Variants in ERMARD observed in about 807,000 individuals in gnomAD.
ERMARD encodes the protein ER membrane associated RNA degradation, also known as endoplasmic reticulum membrane-associated RNA degradation protein.
A neutral mutation model predicts 83.9 loss-of-function variants in ERMARD; 71 were observed. That is an observed-to-expected ratio of 0.85 (90% CI 0.70 to 1.03). ERMARD has a LOEUF of 1.03. Among genes scored for constraint, ERMARD ranks in the 50% least tolerant of loss-of-function variants. The probability of loss-of-function intolerance (pLI) is 0.00; values close to 1 mark genes in which losing one functional copy is unlikely to be tolerated. For missense variants in ERMARD, 838 were observed against 810.9 expected (o/e 1.03, Z -0.41); for synonymous variants, 284 against 298.6 (o/e 0.95, Z 0.50).
chr6:169,757,227 A>C (rs2128342781), intron 5 of ERMARD, among the ~76,000 whole-genome samples: 1 of 152,270 alleles, frequency 6.6e-6, no homozygotes, highest in South Asian at 2.1e-4. Context: ...ACATATGCTG[A>C]GCTTTTGTTC....
chr6:169,780,533 A>T (rs6459665), intron 17 of ERMARD, among the ~76,000 whole-genome samples: 65,972 of 152,066 alleles, frequency 0.43, 15,161 homozygotes, highest in African/African-American at 0.6. Flanking sequence ...TTGAGAAATA[A>T]CTTAAGTAAA....
intron 5 of ERMARD, among the ~76,000 whole-genome samples, chr6:169,758,604 A>G (rs1278636303): frequency 1.3e-5 from 2 of 152,240 alleles, no homozygotes; most frequent in East Asian, 3.8e-4. Context: ...GATATTATGC[A>G]CATTTGAAGC....
At chr6:169,756,314 T>C in intron 3 of ERMARD, 24 bp from the exon 4 acceptor site, 1 of 1,453,086 alleles carries the variant, frequency 6.9e-7, no homozygotes, top group Non-Finnish European at 9.6e-7. Flanking sequence ...GTGTACATCC[T>C]AATATGTGTT....
chr6:169,764,005 C>T (rs1161417085), intron 9 of ERMARD, among the ~76,000 whole-genome samples: 2 of 152,132 alleles, frequency 1.3e-5, no homozygotes, highest in African/African-American at 4.8e-5. Context: ...CAGATTTGTC[C>T]TCTGACGCTC....
chr6:169,759,202 A>T, intron 6 of ERMARD, 137 bp downstream of exon 6: 1 of 755,036 alleles, frequency 1.3e-6, no homozygotes, highest in Non-Finnish European at 2.2e-6. Context: ...GCTAAAATTG[A>T]ATATTACTAG....
chr6:169,751,760 C>T (rs1790131566), intron 1 of ERMARD, 97 bp downstream of exon 1: 4 of 1,428,328 alleles, frequency 2.8e-6, no homozygotes, highest in East Asian at 5.5e-5. Context: ...CGAGCGAGCA[C>T]GCGCCTGCGG....
At chr6:169,755,483 AC>A in intron 3 of ERMARD, 61 bp downstream of exon 3, 1 of 1,582,560 alleles carries the variant, frequency 6.3e-7, no homozygotes, top group Non-Finnish European at 8.6e-7. Context: ...TAGAGGACGT[AC>A]TATTTGCCAA....
chr6:169,769,055 G>C (rs1225355733), intron 11 of ERMARD, among the ~76,000 whole-genome samples: 1 of 152,188 alleles, frequency 6.6e-6, no homozygotes, highest in Non-Finnish European at 1.5e-5. Flanking sequence ...TTGAGTCTCT[G>C]TGATGCTTCT....
intron 10 of ERMARD, chr6:169,766,875 C>T (rs1379392325): frequency 2.1e-6 from 1 of 468,200 alleles, no homozygotes; most frequent in East Asian, 3.5e-5. Flanking sequence ...CCAAAGCTAT[C>T]CAAAGCTCAA....
intron 2 of ERMARD, among the ~76,000 whole-genome samples, chr6:169,754,311 G>C (rs1790522029): frequency 6.6e-6 from 1 of 151,000 alleles, no homozygotes; most frequent in Non-Finnish European, 1.5e-5. Context: ...TAGATCTCAG[G>C]GCCTTGAGAT....
chr6:169,759,319 G>C (rs1242563097), intron 6 of ERMARD, among the ~76,000 whole-genome samples: 1 of 152,158 alleles, frequency 6.6e-6, no homozygotes, highest in Non-Finnish European at 1.5e-5. Context: ...TCCTGGGTGG[G>C]TGGGAGACCC....
intron 12 of ERMARD, chr6:169,770,661 C>G (rs1306466743): frequency 1.3e-5 from 2 of 151,854 alleles, no homozygotes; most frequent in African/African-American, 2.4e-5. Flanking sequence ...GCTCTGTCAC[C>G]CAGGCTGGAG....
chr6:169,756,977 G>A (rs1226204392), intron 5 of ERMARD, among the ~76,000 whole-genome samples, 169 bp downstream of exon 5: 4 of 152,112 alleles, frequency 2.6e-5, no homozygotes, highest in Admixed American at 6.6e-5. Flanking sequence ...CTAACAGGGC[G>A]GCAGCAAGGG....
chr6:169,760,655 G>GTATTA lies in ERMARD; in HGVS notation c.756_757insTATTA (p.Val253TyrfsTer2). ...GTTATTTTACAGATGTTACTTATGA[G>GTATTA]GTGCTTTCAGTATTAGAAGAAGTGA... On this transcript the variant is annotated frameshift_variant, in exon 8 of 18. Transcript: ENST00000366773. LOFTEE classifies it high-confidence loss of function. The GTATTA allele has an allele frequency of 6.2e-7, 1 of 1,602,414 alleles. No homozygotes were observed. Among genetic ancestry groups the GTATTA allele is most frequent in the Non-Finnish European group, 8.5e-7 (1 of 1,169,924 alleles).
intron 16 of ERMARD, among the ~76,000 whole-genome samples, chr6:169,778,625 C>G (rs192610950): frequency 2.0e-4 from 31 of 152,294 alleles, no homozygotes; most frequent in African/African-American, 7.5e-4. Context: ...AGGTGCTGCT[C>G]AATTTACACT....
intron 6 of ERMARD, 99 bp downstream of exon 6, chr6:169,759,164 T>A (rs1012438747): frequency 9.4e-7 from 1 of 1,061,316 alleles, no homozygotes; most frequent in Admixed American, 2.1e-5. Context: ...TTGTGAAAGA[T>A]AAGTGAGTTT....
intron 3 of ERMARD, 62 bp downstream of exon 3, chr6:169,755,484 C>T (rs1790686281): frequency 6.3e-7 from 1 of 1,581,748 alleles, no homozygotes; most frequent in Non-Finnish European, 8.6e-7. Context: ...AGAGGACGTA[C>T]TATTTGCCAA....
At chr6:169,765,811 C>T (rs2128352014) in intron 9 of ERMARD, among the ~76,000 whole-genome samples, 1 of 152,364 alleles carries the variant, frequency 6.6e-6, no homozygotes, top group African/African-American at 2.4e-5. Context: ...CATCACACCG[C>T]ATGGCCCTAC....
At chr6:169,774,713 A>G (rs1036185881) in intron 13 of ERMARD, among the ~76,000 whole-genome samples, 5 of 152,114 alleles carry the variant, frequency 3.3e-5, no homozygotes, top group African/African-American at 1.2e-4. Flanking sequence ...AGAAATGGGG[A>G]GCATCTGCCG....
Sources: gnomAD v4.1 joint callset for allele counts (sites outside exome capture counted in the v4.1 genomes callset) on GRCh38, gnomAD v4.1.1 for gene constraint, MANE v1.5 for transcripts, NCBI Gene and HGNC (gene_info 2026-07-23, HGNC 2026-07-21) for gene names.